TXNRD1: variants seen among roughly 807,000 people sequenced by gnomAD.
The protein encoded by TXNRD1 is thioredoxin reductase 1, cytoplasmic.
In TXNRD1, 57 loss-of-function variants were observed where a neutral mutation model predicts 80.3. The ratio of observed to expected loss-of-function variants is 0.71; its 90% CI spans 0.57 to 0.89. The LOEUF (loss-of-function observed/expected upper bound fraction) is 0.89, where lower values mean the gene tolerates loss of function less well. Among genes scored for constraint, TXNRD1 ranks in the 40% least tolerant of loss-of-function variants. TXNRD1 has a pLI of 0.00. For missense variants in TXNRD1, 730 were observed against 803.0 expected (o/e 0.91, Z 1.10); for synonymous variants, 291 against 285.2 (o/e 1.02, Z -0.20).
chr12:104,221,039 G>A (rs2032344194), intron 1 of TXNRD1, among the ~76,000 whole-genome samples: 1 of 152,140 alleles, frequency 6.6e-6, no homozygotes, highest in Non-Finnish European at 1.5e-5. Flanking sequence ...AGGCCCAGCT[G>A]GGAGGATTGC....
intron 1 of TXNRD1, among the ~76,000 whole-genome samples, chr12:104,227,884 G>A (rs2032509707): frequency 6.6e-6 from 1 of 152,066 alleles, no homozygotes; most frequent in Admixed American, 6.6e-5. Flanking sequence ...TTACTGAGTG[G>A]TATTACATTA....
intron 1 of TXNRD1, 35 bp downstream of exon 1, chr12:104,215,928 G>T: frequency 6.6e-7 from 1 of 1,525,824 alleles, no homozygotes; most frequent in Non-Finnish European, 8.9e-7. Flanking sequence ...TCCCCAGGTC[G>T]ACGGGCCGAA....
chr12:104,343,364 A>G (rs572254523), intron 16 of TXNRD1, among the ~76,000 whole-genome samples: 26 of 152,308 alleles, frequency 1.7e-4, no homozygotes, highest in Non-Finnish European at 3.4e-4. Flanking sequence ...TTGGCATAGA[A>G]TTTAAAAATG....
chr12:104,257,403 CTTTT>C (rs57917719), intron 2 of TXNRD1, among the ~76,000 whole-genome samples: 1 of 76,986 alleles, frequency 1.3e-5, no homozygotes, highest in African/African-American at 4.9e-5. Context: ...TGTTCCAATG[CTTTT>C]TTTTTTTTTT....
chr12:104,240,829 G>A (rs2032842169), intron 1 of TXNRD1, among the ~76,000 whole-genome samples: 1 of 148,272 alleles, frequency 6.7e-6, no homozygotes, highest in African/African-American at 2.5e-5. Context: ...TGCAACTTCT[G>A]CCTCCTGGGT....
At chr12:104,303,960 C>T (rs2034760110) in intron 4 of TXNRD1, 1 of 1,601,626 alleles carries the variant, frequency 6.2e-7, no homozygotes, top group Non-Finnish European at 8.5e-7. Context: ...TCAGTGAGGG[C>T]CGCGGGCTGC....
chr12:104,303,970 C>T lies in TXNRD1; in HGVS notation c.415-7320C>T, dbSNP rs559511894. The T allele has an allele frequency of 1.5e-5, 24 of 1,604,740 alleles. No individual in the cohort carries two copies. In the African/African-American group the frequency reaches 2.7e-4, roughly 18 times the overall value. On this transcript the variant is annotated intron_variant, in intron 4 of 16. Transcript: ENST00000525566. Reference sequence around the variant, plus strand: ...ATGTGTCAGTGAGGGCCGCGGGCTGCTCCGACGACCTCAGCTCTGGGGAGG... The same window carrying T: ...ATGTGTCAGTGAGGGCCGCGGGCTGTTCCGACGACCTCAGCTCTGGGGAGG...
intron 3 of TXNRD1, among the ~76,000 whole-genome samples, chr12:104,282,343 T>A (rs2033895663): frequency 6.6e-6 from 1 of 152,206 alleles, no homozygotes. Context: ...GAGAATTACA[T>A]TCTTGGAGCA....
chr12:104,278,490 C>A (rs1357593514), intron 3 of TXNRD1, among the ~76,000 whole-genome samples: 1 of 139,098 alleles, frequency 7.2e-6, no homozygotes, highest in Non-Finnish European at 1.5e-5. Flanking sequence ...TGAGCCATTG[C>A]GCCCAGCCTA....
chr12:104,313,149 C>G, intron 5 of TXNRD1, 96 bp from the exon 6 acceptor site: 7 of 912,908 alleles, frequency 7.7e-6, no homozygotes, highest in Non-Finnish European at 1.2e-5. Context: ...ATGCTTTAAG[C>G]TCTATAGCTT....
intron 2 of TXNRD1, among the ~76,000 whole-genome samples, chr12:104,256,776 CAAA>C (rs71069738): frequency 3.4e-5 from 4 of 119,032 alleles, no homozygotes; most frequent in Non-Finnish European, 3.3e-5. Context: ...GACTCTGTCT[CAAA>C]AAAAAAAAAA....
In TXNRD1 at chr12:104,308,852, A is replaced by G. The variant is rs149985473; in HGVS notation, c.415-2438A>G. Among the ~76,000 whole-genome samples the G allele has an allele frequency of 3.6e-3, 543 of 151,518 alleles. 2 individuals are homozygous for G. Among genetic ancestry groups the G allele is most frequent in the African/African-American group, 0.013 (517 of 41,352 alleles). On this transcript the variant is annotated intron_variant, in intron 4 of 16. Transcript: ENST00000525566. Reference sequence around the variant, plus strand: ...TACCACTTAAATGGAACTGAATGATAGCACTTTCAATTTTAAGTTTGGTTA... The same window carrying G: ...TACCACTTAAATGGAACTGAATGATGGCACTTTCAATTTTAAGTTTGGTTA...
At chr12:104,271,951 G>C (rs568139960) in intron 3 of TXNRD1, among the ~76,000 whole-genome samples, 1 of 151,938 alleles carries the variant, frequency 6.6e-6, no homozygotes. Flanking sequence ...GGCCAGGCGC[G>C]GTGACTCACC....
chr12:104,219,059 CA>C (rs2032287142), intron 1 of TXNRD1, among the ~76,000 whole-genome samples: 1 of 152,210 alleles, frequency 6.6e-6, no homozygotes, highest in African/African-American at 2.4e-5. Context: ...CCTCCTGCCT[CA>C]GCTTCCTGAG....
At chr12:104,302,265 A>G (rs2135779578) in intron 4 of TXNRD1, among the ~76,000 whole-genome samples, 1 of 152,346 alleles carries the variant, frequency 6.6e-6, no homozygotes, top group East Asian at 1.9e-4. Context: ...ATACATTTAC[A>G]AAAAACTTTC....
At chr12:104,227,610 G>A (rs2032501925) in intron 1 of TXNRD1, among the ~76,000 whole-genome samples, 1 of 152,044 alleles carries the variant, frequency 6.6e-6, no homozygotes, top group African/African-American at 2.4e-5. Context: ...ATACATGATC[G>A]GGTTACATAA....
At chr12:104,303,026 CT>C (rs1002688695) in intron 4 of TXNRD1, among the ~76,000 whole-genome samples, 22 of 152,278 alleles carry the variant, frequency 1.4e-4, no homozygotes, top group African/African-American at 5.3e-4. Flanking sequence ...TGTCGGTGGC[CT>C]TTAGCTGTTG....
intron 3 of TXNRD1, among the ~76,000 whole-genome samples, chr12:104,277,971 G>C (rs575117001): frequency 8.5e-4 from 128 of 150,736 alleles, no homozygotes; most frequent in African/African-American, 2.9e-3. Context: ...CCGCCTCCCG[G>C]GTTCACTCCA....
At chr12:104,234,940 A>G (rs1165284672) in intron 1 of TXNRD1, among the ~76,000 whole-genome samples, 1 of 152,218 alleles carries the variant, frequency 6.6e-6, no homozygotes. Context: ...TTTGCAGTTT[A>G]AAATGGCTTC....
Sources: allele counts gnomAD v4.1 joint callset (sites outside exome capture counted in the v4.1 genomes callset), GRCh38; gene constraint gnomAD v4.1.1; transcripts MANE v1.5; gene names NCBI Gene and HGNC (gene_info 2026-07-23, HGNC 2026-07-21).